Variants in LPP observed in about 807,000 individuals in gnomAD.
The protein encoded by LPP is lipoma-preferred partner.
Under a neutral mutation model 60.4 loss-of-function variants are expected in LPP, and 38 were observed. That is an observed-to-expected ratio of 0.63 (90% confidence interval 0.49 to 0.83). The LOEUF is 0.83. Ranked by LOEUF, LPP falls within the 40% of genes least tolerant of loss-of-function variation. LPP has a pLI of 0.00. For synonymous variants in LPP, 328 were observed against 290.8 expected (o/e 1.13, Z -1.30); for missense variants, 902 against 783.6 (o/e 1.15, Z -1.80).
intron 9 of LPP, among the ~76,000 whole-genome samples, chr3:188,803,799 C>T (rs558121824): frequency 2.4e-4 from 36 of 152,232 alleles, no homozygotes; most frequent in Admixed American, 9.2e-4. Flanking sequence ...GTTAGTTCAC[C>T]TTTGCATATA....
At chr3:188,511,116 T>TC (rs1815396043) in intron 5 of LPP, among the ~76,000 whole-genome samples, 1 of 95,914 alleles carries the variant, frequency 1.0e-5, no homozygotes, top group African/African-American at 4.1e-5. Flanking sequence ...CCTTCCTCCT[T>TC]CCTTCCTACC....
At chr3:188,450,659 T>A (rs1796365801) in intron 4 of LPP, among the ~76,000 whole-genome samples, 1 of 151,656 alleles carries the variant, frequency 6.6e-6, no homozygotes, top group South Asian at 2.1e-4. Flanking sequence ...GCAGGAGAAT[T>A]GCTTGAACCT....
At chr3:188,162,318 T>G (rs1264370151) in intron 1 of LPP, among the ~76,000 whole-genome samples, 1 of 152,214 alleles carries the variant, frequency 6.6e-6, no homozygotes, top group Non-Finnish European at 1.5e-5. Flanking sequence ...GGGCCTTAAG[T>G]GGCAGAGTGA....
chr3:188,582,154 C>CTTTTTTTTTT (rs10565240), intron 6 of LPP, among the ~76,000 whole-genome samples: 8 of 102,226 alleles, frequency 7.8e-5, no homozygotes, highest in Non-Finnish European at 1.1e-4. Context: ...TTTTCTTTTT[C>CTTTTTTTTTT]TTTTTTTTTT....
Position 188,864,449 on chromosome 3 carries a change from C to T in LPP, c.1411-1751C>T, listed in dbSNP as rs541035992. Among the ~76,000 whole-genome samples, 4 of 152,246 alleles carry T rather than the reference C, an allele frequency of 2.6e-5. No individual in the cohort carries two copies. The South Asian group carries it at 8.3e-4, about 32-fold the overall frequency. On this transcript the variant is annotated intron_variant, in intron 9 of 11. Coordinates refer to ENST00000617246, the MANE Select transcript of LPP (RefSeq NM_001375462.1). ...TACATTCTTAAGACATAGTCTCTGC[C>T]CCTAATGAAATTAAAGTCTGGTAGA...
In LPP at chr3:188,249,814, C is replaced by T. The variant is rs1388831397; in HGVS notation, c.-67+24287C>T. 3.5e-5 allele frequency among the ~76,000 whole-genome samples: 5 copies of T among 142,424 alleles called. No individual in the cohort carries two copies. In the South Asian group the frequency reaches 6.9e-4, roughly 20 times the overall value. The allele number at this position is 142,424 out of a possible 152,430, so 93.4% of individuals were successfully genotyped here. On this transcript the variant is annotated intron_variant, in intron 2 of 11. Coordinates refer to ENST00000617246, the MANE Select transcript of LPP (RefSeq NM_001375462.1). ...ATCCTCCCCCTTCCTCCCTCCCTTC[C>T]TCTCTTTCTCTGTCTACACACACAC...
In LPP at chr3:188,883,357, G is replaced by A. The variant is rs1332778311; in HGVS notation, c.*8878G>A. 7 of 214,658 alleles carry A rather than the reference G, an allele frequency of 3.3e-5. No individual in the cohort carries two copies. Among genetic ancestry groups the A allele is most frequent in the Non-Finnish European group, 9.4e-6 (1 of 106,368 alleles). The allele number at this position is 214,658 out of a possible 1,614,324, so 13.3% of individuals were successfully genotyped here. A position where few individuals can be genotyped will look rare whatever the true frequency, so the allele number is the denominator to read the frequency against. ...AAGACAGACCGTTCTGACAGTTGTT[G>A]TGTAGCTTCATGCCTTCCCCAGTAA... is the stretch of plus-strand genomic sequence containing the variant. On this transcript the variant is annotated 3_prime_UTR_variant, in exon 12 of 12. Coordinates refer to ENST00000617246, the MANE Select transcript of LPP (RefSeq NM_001375462.1).
At chr3:188,643,981 A>G (rs552684712) in intron 7 of LPP, among the ~76,000 whole-genome samples, 1 of 152,334 alleles carries the variant, frequency 6.6e-6, no homozygotes, top group African/African-American at 2.4e-5. Context: ...AAGATCAGTA[A>G]CATCATCCAC....
intron 9 of LPP, among the ~76,000 whole-genome samples, chr3:188,793,025 G>T (rs1744256399): frequency 6.6e-6 from 1 of 152,134 alleles, no homozygotes; most frequent in Non-Finnish European, 1.5e-5. Flanking sequence ...AGTCCCTCTG[G>T]TGGGCACCGG....
At chr3:188,441,389 G>A (rs536031020) in intron 4 of LPP, among the ~76,000 whole-genome samples, 15 of 151,858 alleles carry the variant, frequency 9.9e-5, no homozygotes, top group Non-Finnish European at 1.9e-4. Flanking sequence ...TTCTTTTGTA[G>A]TGTTGCTTAC....
At chr3:188,446,011 G>T (rs896582437) in intron 4 of LPP, among the ~76,000 whole-genome samples, 39 of 152,160 alleles carry the variant, frequency 2.6e-4, no homozygotes, top group African/African-American at 8.7e-4. Context: ...GAAGTTTTCT[G>T]CCAGTTTTGC....
intron 4 of LPP, among the ~76,000 whole-genome samples, chr3:188,463,150 T>C (rs1407448412): frequency 6.6e-6 from 1 of 152,072 alleles, no homozygotes; most frequent in Non-Finnish European, 1.5e-5. Flanking sequence ...GATTCATTTG[T>C]GGTGTCTCTT....
chr3:188,660,994 CTAT>C (rs879416609), intron 7 of LPP, among the ~76,000 whole-genome samples: 3 of 152,112 alleles, frequency 2.0e-5, no homozygotes, highest in Non-Finnish European at 2.9e-5. Context: ...CTTGCTCTGC[CTAT>C]TATTACTTTC....
intron 7 of LPP, among the ~76,000 whole-genome samples, chr3:188,650,005 T>C (rs1478370827): frequency 6.6e-6 from 1 of 152,226 alleles, no homozygotes; most frequent in Non-Finnish European, 1.5e-5. Flanking sequence ...TATCTATCTA[T>C]CCATCTGTCT....
intron 2 of LPP, among the ~76,000 whole-genome samples, chr3:188,281,375 A>G (rs2149918755): frequency 6.6e-6 from 1 of 151,922 alleles, no homozygotes; most frequent in South Asian, 2.1e-4. Context: ...GCTGAGGCAG[A>G]TGGATCACTT....
chr3:188,229,644 G>A (rs558552927), intron 2 of LPP, among the ~76,000 whole-genome samples: 2 of 152,208 alleles, frequency 1.3e-5, no homozygotes, highest in Non-Finnish European at 2.9e-5. Context: ...ATGGTTCTTC[G>A]TGTAACCCAG....
intron 6 of LPP, among the ~76,000 whole-genome samples, chr3:188,592,447 A>T (rs978025459): frequency 2.0e-5 from 3 of 151,656 alleles, no homozygotes; most frequent in Non-Finnish European, 4.4e-5. Flanking sequence ...AGTTACCAAA[A>T]CAGTTGTTAT....
intron 9 of LPP, among the ~76,000 whole-genome samples, chr3:188,839,091 T>C (rs576953993): frequency 8.5e-5 from 13 of 152,274 alleles, no homozygotes; most frequent in Admixed American, 8.5e-4. Flanking sequence ...CTTTCACACT[T>C]CTTACCACCT....
chr3:188,359,216 G>C (rs1197352355), intron 3 of LPP, among the ~76,000 whole-genome samples: 2 of 152,158 alleles, frequency 1.3e-5, no homozygotes, highest in Non-Finnish European at 2.9e-5. Flanking sequence ...GTCCCCTTTT[G>C]AAAGAAGTTA....
Sources: gnomAD v4.1 joint callset for allele counts (sites outside exome capture counted in the v4.1 genomes callset) on GRCh38, gnomAD v4.1.1 for gene constraint, MANE v1.5 for transcripts, NCBI Gene and HGNC (gene_info 2026-07-23, HGNC 2026-07-21) for gene names.